The following CTNNA3 variants were observed in gnomAD, a reference collection of about 807,000 sequenced individuals.
CTNNA3 encodes the protein catenin alpha 3, also known as catenin alpha-3.
Under a neutral mutation model 95.7 loss-of-function variants are expected in CTNNA3, and 76 were observed. The ratio of observed to expected loss-of-function variants is 0.79; its 90% CI spans 0.66 to 0.96. The LOEUF is 0.96. CTNNA3 is among the 40% of genes least tolerant of loss of function. The pLI, the probability that CTNNA3 is intolerant of heterozygous loss-of-function variation, is 0.00. For missense variants in CTNNA3, 1,191 were observed against 1,089.8 expected (o/e 1.09, Z -1.31); for synonymous variants, 431 against 374.4 (o/e 1.15, Z -1.74).
intron 5 of CTNNA3, among the ~76,000 whole-genome samples, chr10:67,256,391 A>G (rs1429571307): frequency 1.3e-5 from 2 of 152,142 alleles, no homozygotes; most frequent in African/African-American, 4.8e-5. Context: ...CCTTCTTTTG[A>G]TCTGTCTTGA....
intron 11 of CTNNA3, among the ~76,000 whole-genome samples, chr10:66,428,006 C>G (rs181938134): frequency 2.6e-5 from 4 of 151,952 alleles, no homozygotes; most frequent in African/African-American, 9.7e-5. Flanking sequence ...TTCAGGAAAC[C>G]CATCTCACGT....
At chr10:67,552,915 A>G (rs1431452559) in intron 3 of CTNNA3, among the ~76,000 whole-genome samples, 3 of 152,106 alleles carry the variant, frequency 2.0e-5, no homozygotes, top group Admixed American at 1.3e-4. Flanking sequence ...CCAGTCTGTC[A>G]TTAATGGATG....
At chr10:67,289,901 G>A (rs968742503) in intron 5 of CTNNA3, among the ~76,000 whole-genome samples, 1 of 151,864 alleles carries the variant, frequency 6.6e-6, no homozygotes, top group Non-Finnish European at 1.5e-5. Flanking sequence ...CTGGGTTCAA[G>A]GGATCTTCCC....
intron 13 of CTNNA3, among the ~76,000 whole-genome samples, chr10:66,190,651 C>G (rs2086619450): frequency 6.6e-6 from 1 of 152,082 alleles, no homozygotes; most frequent in Non-Finnish European, 1.5e-5. Context: ...CTTTCCTTGT[C>G]CCTTATGCAT....
intron 3 of CTNNA3, among the ~76,000 whole-genome samples, chr10:67,540,675 T>A (rs1002156546): frequency 2.0e-5 from 3 of 151,978 alleles, no homozygotes. Context: ...CAAATATGTT[T>A]TATAAAGACA....
chr10:67,719,131 T>C (rs1841162821), intron 1 of CTNNA3, among the ~76,000 whole-genome samples: 1 of 152,220 alleles, frequency 6.6e-6, no homozygotes, highest in Admixed American at 6.5e-5. Context: ...TTTGTATTTC[T>C]GTGGGATCAG....
intron 7 of CTNNA3, among the ~76,000 whole-genome samples, chr10:66,881,775 A>T (rs1844861539): frequency 6.6e-6 from 1 of 152,124 alleles, no homozygotes; most frequent in Non-Finnish European, 1.5e-5. Context: ...GAATAAAGCT[A>T]AATAACTCAC....
At chr10:66,040,701 C>T (rs974298217) in intron 15 of CTNNA3, among the ~76,000 whole-genome samples, 24 of 152,098 alleles carry the variant, frequency 1.6e-4, no homozygotes, top group African/African-American at 5.1e-4. Context: ...TATAGAGGGG[C>T]ACAACAGACA....
At chr10:67,726,515 T>A (rs1490511912) in intron 1 of CTNNA3, among the ~76,000 whole-genome samples, 1 of 66,490 alleles carries the variant, frequency 1.5e-5, no homozygotes, top group Non-Finnish European at 2.5e-5. Context: ...TATTATATAT[T>A]ATATTATATT....
At chr10:66,882,860 T>C (rs933154265) in intron 7 of CTNNA3, among the ~76,000 whole-genome samples, 2 of 152,144 alleles carry the variant, frequency 1.3e-5, no homozygotes, top group Admixed American at 1.3e-4. Context: ...AACTTTGGCC[T>C]AATTGCTTTC....
chr10:67,550,332 T>C (rs998254340), intron 3 of CTNNA3, among the ~76,000 whole-genome samples: 3 of 152,040 alleles, frequency 2.0e-5, no homozygotes, highest in Admixed American at 2.0e-4. Context: ...CAAAAGGAGG[T>C]ATGAATTTTC....
At chr10:66,619,314 A>G (rs1303631591) in intron 10 of CTNNA3, among the ~76,000 whole-genome samples, 3 of 150,706 alleles carry the variant, frequency 2.0e-5, no homozygotes, top group African/African-American at 7.3e-5. Flanking sequence ...ACAAACCCAA[A>G]TGTCCAACAA....
At chr10:66,872,680 T>TAAC (rs1844458485) in intron 7 of CTNNA3, among the ~76,000 whole-genome samples, 1 of 145,474 alleles carries the variant, frequency 6.9e-6, no homozygotes, top group African/African-American at 2.7e-5. Flanking sequence ...AAAATAATAA[T>TAAC]AATAATAATA....
chr10:67,120,393 A>C (rs574325734), intron 7 of CTNNA3, among the ~76,000 whole-genome samples: 2 of 152,116 alleles, frequency 1.3e-5, no homozygotes, highest in South Asian at 4.1e-4. Context: ...TATTGATTTT[A>C]TCATACACAT....
intron 13 of CTNNA3, among the ~76,000 whole-genome samples, chr10:66,188,486 T>C (rs1230325216): frequency 6.6e-6 from 1 of 151,974 alleles, no homozygotes; most frequent in East Asian, 1.9e-4. Flanking sequence ...ATTTGTCTTT[T>C]TGCATTTGGC....
At chr10:66,199,220 A>G (rs1195483201) in intron 13 of CTNNA3, among the ~76,000 whole-genome samples, 1 of 152,116 alleles carries the variant, frequency 6.6e-6, no homozygotes, top group Admixed American at 6.5e-5. Flanking sequence ...GTTAGCATAG[A>G]GCTAGTGGAA....
intron 5 of CTNNA3, among the ~76,000 whole-genome samples, chr10:67,341,910 T>C (rs900627359): frequency 6.6e-6 from 1 of 152,008 alleles, no homozygotes; most frequent in Non-Finnish European, 1.5e-5. Context: ...AGATGATGTA[T>C]AATTATAGTC....
At chr10:67,419,230 G>A (rs1470914362) in intron 5 of CTNNA3, among the ~76,000 whole-genome samples, 2 of 152,130 alleles carry the variant, frequency 1.3e-5, no homozygotes, top group South Asian at 4.1e-4. Flanking sequence ...ATGGAACAAT[G>A]AAGACATTTA....
chr10:66,990,714 C>T (rs536288851), intron 7 of CTNNA3, among the ~76,000 whole-genome samples: 121 of 152,264 alleles, frequency 7.9e-4, no homozygotes, highest in African/African-American at 2.8e-3. Flanking sequence ...TAACATTGAA[C>T]CTGTTGAGAT....
Sources: allele counts gnomAD v4.1 joint callset (sites outside exome capture counted in the v4.1 genomes callset), GRCh38; gene constraint gnomAD v4.1.1; transcripts MANE v1.5; gene names NCBI Gene and HGNC (gene_info 2026-07-23, HGNC 2026-07-21).